Variants in RARB observed in about 807,000 individuals in gnomAD.
RARB encodes retinoic acid receptor beta, also known as HBV-activated protein.
RARB carries 17 observed loss-of-function variants against 51.9 expected under a neutral mutation model. The ratio of observed to expected loss-of-function variants is 0.33; its 90% confidence interval spans 0.22 to 0.49. The LOEUF (loss-of-function observed/expected upper bound fraction) is 0.49, where lower values mean the gene tolerates loss of function less well. Ranked by LOEUF, RARB falls within the 20% of genes least tolerant of loss-of-function variation. The pLI is 0.99. For synonymous variants in RARB, 215 were observed against 195.4 expected (o/e 1.10, Z -0.84); for missense variants, 369 against 550.8 (o/e 0.67, Z 3.30).
intron 5 of RARB, among the ~76,000 whole-genome samples, chr3:25,335,722 C>T (rs76293079): frequency 0.013 from 2,005 of 152,344 alleles, 36 homozygotes; most frequent in East Asian, 0.051. Context: ...CATTTACTTT[C>T]TGCAAGAGTG....
intron 1 of RARB, among the ~76,000 whole-genome samples, chr3:25,459,542 G>A (rs1695069540): frequency 6.6e-6 from 1 of 152,192 alleles, no homozygotes; most frequent in African/African-American, 2.4e-5. Flanking sequence ...TTGACTGCTT[G>A]TTTGAAGAAT....
intron 2 of RARB, among the ~76,000 whole-genome samples, chr3:24,994,750 G>A (rs1479795173): frequency 1.3e-5 from 2 of 151,982 alleles, no homozygotes; most frequent in Non-Finnish European, 2.9e-5. Flanking sequence ...TGAGGAGACT[G>A]CTCTTTCCCC....
intron 3 of RARB, among the ~76,000 whole-genome samples, chr3:25,561,213 T>C (rs946466007): frequency 1.3e-5 from 2 of 152,144 alleles, no homozygotes; most frequent in Non-Finnish European, 2.9e-5. Context: ...TTTCTGTGTG[T>C]TGTAACAGAT....
chr3:25,408,620 A>G (rs966446643), intron 5 of RARB, among the ~76,000 whole-genome samples: 2 of 152,168 alleles, frequency 1.3e-5, no homozygotes, highest in Non-Finnish European at 2.9e-5. Flanking sequence ...GATTTATGCA[A>G]GGTTTCCAGT....
At chr3:25,193,244 C>A (rs1486497998) in intron 5 of RARB, among the ~76,000 whole-genome samples, 1 of 151,868 alleles carries the variant, frequency 6.6e-6, no homozygotes, top group African/African-American at 2.4e-5. Context: ...ACATTCTTCC[C>A]CATTCAAAGG....
chr3:25,089,246 A>T (rs550585911), intron 3 of RARB, among the ~76,000 whole-genome samples: 1 of 152,112 alleles, frequency 6.6e-6, no homozygotes, highest in South Asian at 2.1e-4. Flanking sequence ...AAGATACTTT[A>T]TTGTATTTCA....
intron 3 of RARB, among the ~76,000 whole-genome samples, chr3:25,529,186 C>T (rs528112937): frequency 1.3e-5 from 2 of 151,514 alleles, no homozygotes; most frequent in South Asian, 2.1e-4. Context: ...CCTAGTGACC[C>T]AGAAAAAAAT....
intron 5 of RARB, among the ~76,000 whole-genome samples, chr3:25,240,813 G>C (rs993735290): frequency 6.6e-6 from 1 of 152,076 alleles, no homozygotes; most frequent in Non-Finnish European, 1.5e-5. Context: ...TTGTGTCTTT[G>C]TCTGGTTTTT....
chr3:25,483,725 T>TA (rs971582209), intron 2 of RARB, among the ~76,000 whole-genome samples: 2 of 152,126 alleles, frequency 1.3e-5, no homozygotes, highest in Admixed American at 6.5e-5. Flanking sequence ...TCTGGGTGCA[T>TA]AATGTCAGCA....
intron 5 of RARB, among the ~76,000 whole-genome samples, chr3:25,379,486 C>G (rs1706563152): frequency 6.6e-6 from 1 of 152,192 alleles, no homozygotes; most frequent in African/African-American, 2.4e-5. Flanking sequence ...GTGCCTGTCC[C>G]TTTCTTGAAT....
At chr3:24,864,723 T>A (rs1367101811) in intron 2 of RARB, among the ~76,000 whole-genome samples, 2 of 13,070 alleles carry the variant, frequency 1.5e-4, no homozygotes, top group Non-Finnish European at 2.3e-4. Flanking sequence ...TTTTTAAGTA[T>A]TTTTTTTATG....
intron 5 of RARB, among the ~76,000 whole-genome samples, chr3:25,211,032 C>T (rs747254126): frequency 2.6e-5 from 4 of 152,142 alleles, no homozygotes; most frequent in Non-Finnish European, 5.9e-5. Context: ...CAGTACCTAT[C>T]TGATAAAGTT....
At chr3:25,373,466 T>G (rs1211600196) in intron 5 of RARB, among the ~76,000 whole-genome samples, 2 of 152,114 alleles carry the variant, frequency 1.3e-5, no homozygotes, top group Non-Finnish European at 2.9e-5. Flanking sequence ...ACACTGCTTT[T>G]GTTGAGCTAG....
chr3:25,285,886 A>AC (rs756370355), intron 5 of RARB, among the ~76,000 whole-genome samples: 4 of 151,876 alleles, frequency 2.6e-5, no homozygotes, highest in Admixed American at 6.6e-5. Context: ...TGGTGTAACC[A>AC]CCAATATACA....
chr3:25,184,671 A>G (rs1171409074), intron 5 of RARB, among the ~76,000 whole-genome samples: 2 of 152,046 alleles, frequency 1.3e-5, no homozygotes, highest in African/African-American at 2.4e-5. Context: ...AAAAATTATG[A>G]TGTTGTTCAT....
intron 2 of RARB, among the ~76,000 whole-genome samples, chr3:24,867,824 C>G (rs983441611): frequency 2.6e-5 from 4 of 151,986 alleles, no homozygotes; most frequent in Admixed American, 2.0e-4. Flanking sequence ...TAAGAAAAGC[C>G]CACAAAAACA....
intron 3 of RARB, among the ~76,000 whole-genome samples, chr3:25,100,520 G>A (rs1279752528): frequency 1.3e-5 from 2 of 152,174 alleles, no homozygotes; most frequent in Admixed American, 1.3e-4. Flanking sequence ...TATAGCCAGA[G>A]ATCTGGTTCC....
intron 2 of RARB, among the ~76,000 whole-genome samples, chr3:24,918,156 A>G (rs902610560): frequency 1.1e-4 from 16 of 151,808 alleles, no homozygotes; most frequent in African/African-American, 3.9e-4. Flanking sequence ...CCAAATGTTC[A>G]TCAACTGGTG....
intron 3 of RARB, among the ~76,000 whole-genome samples, chr3:25,529,036 T>A (rs1698782279): frequency 2.0e-5 from 3 of 151,938 alleles, no homozygotes; most frequent in Admixed American, 6.5e-5. Flanking sequence ...GTTCAATTGT[T>A]CAATTTTGAG....
Sources: gnomAD v4.1 joint callset for allele counts (sites outside exome capture counted in the v4.1 genomes callset) on GRCh38, gnomAD v4.1.1 for gene constraint, MANE v1.5 for transcripts, NCBI Gene and HGNC (gene_info 2026-07-23, HGNC 2026-07-21) for gene names.